The following ZNF827 variants were observed in gnomAD, a reference collection of about 807,000 sequenced individuals.
ZNF827 encodes the protein zinc finger protein 827.
In ZNF827, 13 loss-of-function variants were observed where a neutral mutation model predicts 102.4. The ratio of observed to expected loss-of-function variants is 0.13; its 90% CI spans 0.08 to 0.20. ZNF827 has a LOEUF of 0.20. ZNF827 is among the 10% of genes least tolerant of loss of function. The pLI is 1.00. For missense variants in ZNF827, 1,103 were observed against 1,344.4 expected, an observed-to-expected ratio of 0.82 and a Z score of 2.81; for synonymous variants, 523 against 536.2, an observed-to-expected ratio of 0.98 and a Z score of 0.34.
intron 11 of ZNF827, among the ~76,000 whole-genome samples, chr4:145,769,633 C>A (rs1335338142): frequency 6.6e-6 from 1 of 152,154 alleles, no homozygotes; most frequent in Non-Finnish European, 1.5e-5. Flanking sequence ...TGTTTCTGTC[C>A]TCATCTTGTT....
rs563533351 is a variant in ZNF827 at position 145,862,101 on chromosome 4, C to T, written c.1981+8144G>A. On this transcript the variant is annotated intron_variant, in intron 5 of 14. Coordinates refer to ENST00000508784, the MANE Select transcript of ZNF827 (RefSeq NM_001306215.2). The stretch of plus-strand genomic sequence containing the variant: ...AAGCAGCAGGAGCCATTCAGGTGTA[C>T]GGGTTTGAGGATTTGTAAAGGCCAT... 4.6e-5 allele frequency among the ~76,000 whole-genome samples: 7 copies of T among 152,218 alleles called. No individual in the cohort carries two copies. The South Asian group carries it at 8.3e-4, about 18-fold the overall frequency.
chr4:145,815,939 T>C (rs1219340942), intron 8 of ZNF827, among the ~76,000 whole-genome samples: 1 of 152,216 alleles, frequency 6.6e-6, no homozygotes, highest in Non-Finnish European at 1.5e-5. Flanking sequence ...ACATATAAAT[T>C]TGATAAATTT....
chr4:145,898,676 C>A (rs185424199), intron 2 of ZNF827, among the ~76,000 whole-genome samples: 158 of 152,276 alleles, frequency 1.0e-3, no homozygotes, highest in Non-Finnish European at 2.0e-3. Context: ...AAACCTCCCC[C>A]TCAAGTGTCA....
At chr4:145,888,681 C>T (rs184793331) in intron 3 of ZNF827, among the ~76,000 whole-genome samples, 4 of 152,318 alleles carry the variant, frequency 2.6e-5, no homozygotes, top group East Asian at 1.9e-4. Context: ...CCCTGACTCT[C>T]GGTCAGTTTC....
chr4:145,888,970 A>G (rs1423577545), intron 3 of ZNF827, among the ~76,000 whole-genome samples: 1 of 152,226 alleles, frequency 6.6e-6, no homozygotes, highest in Admixed American at 6.5e-5. Context: ...AGTAAGTACT[A>G]TAATACAAAT....
At chr4:145,823,575 A>G (rs1349717890) in intron 7 of ZNF827, 50 bp from the exon 8 acceptor site, 1 of 1,316,854 alleles carries the variant, frequency 7.6e-7, no homozygotes, top group South Asian at 1.2e-5. Flanking sequence ...GTTATTTAAG[A>G]CACCCAGAGC....
intron 7 of ZNF827, among the ~76,000 whole-genome samples, chr4:145,836,772 GGCAGGTTATGCTATAGT>G (rs1364032304): frequency 6.6e-6 from 1 of 151,860 alleles, no homozygotes; most frequent in Non-Finnish European, 1.5e-5. Context: ...CACCAGCAAA[GGCAGGTTATGCTATAGT>G]ACAAGCCACT....
At chr4:145,857,671 C>T (rs561831705) in intron 5 of ZNF827, among the ~76,000 whole-genome samples, 10 of 152,266 alleles carry the variant, frequency 6.6e-5, no homozygotes, top group African/African-American at 2.4e-4. Flanking sequence ...ATCCTTCAGT[C>T]GCTGGGAGCT....
intron 8 of ZNF827, among the ~76,000 whole-genome samples, chr4:145,796,623 CTTTTTTTTTT>C (rs34553120): frequency 3.5e-5 from 4 of 113,950 alleles, no homozygotes; most frequent in Non-Finnish European, 7.1e-5. Flanking sequence ...ATTTGTTCCT[CTTTTTTTTTT>C]TTTTTTTTTT....
At chr4:145,901,496 A>G (rs570226862) in intron 2 of ZNF827, among the ~76,000 whole-genome samples, 61 of 152,370 alleles carry the variant, frequency 4.0e-4, no homozygotes, top group African/African-American at 1.3e-3. Flanking sequence ...AATTTTCCAC[A>G]TGCACATTCC....
At chr4:145,875,247 A>G (rs1749060435) in intron 4 of ZNF827, among the ~76,000 whole-genome samples, 1 of 152,220 alleles carries the variant, frequency 6.6e-6, no homozygotes, top group Non-Finnish European at 1.5e-5. Flanking sequence ...CCTTCCATCA[A>G]TCACAGGAGA....
intron 11 of ZNF827, among the ~76,000 whole-genome samples, chr4:145,766,443 AG>A (rs1306501025): frequency 6.6e-6 from 1 of 152,240 alleles, no homozygotes; most frequent in African/African-American, 2.4e-5. Flanking sequence ...CCTGAGAGAC[AG>A]GAAACAAAAG....
chr4:145,766,548 G>C (rs1735326474), intron 11 of ZNF827, among the ~76,000 whole-genome samples: 1 of 152,224 alleles, frequency 6.6e-6, no homozygotes, highest in African/African-American at 2.4e-5. Context: ...CAGACTCCGA[G>C]TGGCGGATAC....
rs754678025 is a variant in ZNF827 at position 145,759,150 on chromosome 4, T to C, written c.*2466A>G. On this transcript the variant is annotated 3_prime_UTR_variant, in exon 15 of 15. Coordinates refer to ENST00000508784, the MANE Select transcript of ZNF827 (RefSeq NM_001306215.2). Reference sequence around the variant, plus strand: ...AGTTCTCCAATAGATAAATAATATATAAACTTTTATATTCCAAACTTCCCA... The same window carrying C: ...AGTTCTCCAATAGATAAATAATATACAAACTTTTATATTCCAAACTTCCCA... The C allele has an allele frequency of 6.6e-6, 1 of 152,174 alleles. No individual in the cohort carries two copies. Among genetic ancestry groups the C allele is most frequent in the African/African-American group, 2.4e-5 (1 of 41,440 alleles). The allele number at this position is 152,174 out of a possible 1,614,324, so 9.4% of individuals were successfully genotyped here. A position where few individuals can be genotyped will look rare whatever the true frequency, so the allele number is the denominator to read the frequency against.
chr4:145,779,016 G>A (rs1428823040), intron 9 of ZNF827, among the ~76,000 whole-genome samples: 1 of 152,064 alleles, frequency 6.6e-6, no homozygotes, highest in African/African-American at 2.4e-5. Flanking sequence ...CTTTTCCCTG[G>A]CTGCTCCCAC....
At chr4:145,772,499 G>A (rs1369632448) in intron 11 of ZNF827, among the ~76,000 whole-genome samples, 1 of 152,106 alleles carries the variant, frequency 6.6e-6, no homozygotes, top group African/African-American at 2.4e-5. Flanking sequence ...CAGTCCTTGG[G>A]CTCAAATGAG....
intron 2 of ZNF827, among the ~76,000 whole-genome samples, chr4:145,899,427 T>C (rs1014886510): frequency 1.3e-5 from 2 of 152,210 alleles, no homozygotes; most frequent in South Asian, 4.1e-4. Context: ...CACCAAATCA[T>C]GTACCCATGA....
intron 1 of ZNF827, among the ~76,000 whole-genome samples, chr4:145,920,636 C>T (rs1283313532): frequency 6.6e-6 from 1 of 152,226 alleles, no homozygotes; most frequent in African/African-American, 2.4e-5. Flanking sequence ...AAGAGGAAGA[C>T]AGCAGGAGAT....
intron 8 of ZNF827, among the ~76,000 whole-genome samples, chr4:145,780,098 C>G (rs959650502): frequency 6.6e-6 from 1 of 151,986 alleles, no homozygotes; most frequent in African/African-American, 2.4e-5. Context: ...GGCTGAGGCA[C>G]GAGAATCGCT....
Sources: gnomAD v4.1 joint callset for allele counts (sites outside exome capture counted in the v4.1 genomes callset) on GRCh38, gnomAD v4.1.1 for gene constraint, MANE v1.5 for transcripts, NCBI Gene and HGNC (gene_info 2026-07-23, HGNC 2026-07-21) for gene names.